The following SUFU variants were observed in gnomAD, a reference collection of about 807,000 sequenced individuals.
SUFU encodes SUFU negative regulator of hedgehog signaling.
SUFU carries 7 observed loss-of-function variants against 58.9 expected under a neutral mutation model. That is an observed-to-expected ratio of 0.12 (90% confidence interval 0.07 to 0.22). The LOEUF (loss-of-function observed/expected upper bound fraction) is 0.22. SUFU is among the 10% of genes least tolerant of loss of function. The pLI is 1.00. For missense variants in SUFU, 451 were observed against 641.3 expected, an observed-to-expected ratio of 0.70 and a Z score of 3.20; for synonymous variants, 232 against 254.8, an observed-to-expected ratio of 0.91 and a Z score of 0.85.
intron 3 of SUFU, among the ~76,000 whole-genome samples, chr10:102,585,565 G>A (rs988681538): frequency 1.3e-5 from 2 of 152,008 alleles, no homozygotes; most frequent in African/African-American, 4.8e-5. Flanking sequence ...GGAATACTAT[G>A]GTGCGACCAA....
intron 2 of SUFU, among the ~76,000 whole-genome samples, chr10:102,536,508 C>T (rs1170855217): frequency 6.6e-6 from 1 of 151,210 alleles, no homozygotes; most frequent in Admixed American, 6.6e-5. Flanking sequence ...GGACTACAGG[C>T]GCCTGCCACT....
At chr10:102,524,395 G>A (rs1466491990) in intron 2 of SUFU, among the ~76,000 whole-genome samples, 7 of 145,266 alleles carry the variant, frequency 4.8e-5, no homozygotes, top group Non-Finnish European at 8.9e-5. Context: ...GTGCAATCTC[G>A]GCTCACTGTA....
chr10:102,558,004 G>A (rs1358553686), intron 3 of SUFU, among the ~76,000 whole-genome samples: 2 of 151,802 alleles, frequency 1.3e-5, no homozygotes, highest in Non-Finnish European at 2.9e-5. Context: ...AGTTCAAGCA[G>A]TTCTCCTTCC....
At chr10:102,549,585 A>G (rs1374229969) in intron 2 of SUFU, among the ~76,000 whole-genome samples, 1 of 152,232 alleles carries the variant, frequency 6.6e-6, no homozygotes, top group Non-Finnish European at 1.5e-5. Flanking sequence ...ATCCTTAGCA[A>G]ACAAAGTAGA....
chr10:102,539,623 T>A (rs766107947), intron 2 of SUFU, among the ~76,000 whole-genome samples: 1 of 152,212 alleles, frequency 6.6e-6, no homozygotes, highest in Non-Finnish European at 1.5e-5. Flanking sequence ...TTACAATAGT[T>A]GTCAAATGGT....
chr10:102,527,872 G>A (rs1257926563), intron 2 of SUFU, among the ~76,000 whole-genome samples: 1 of 152,194 alleles, frequency 6.6e-6, no homozygotes, highest in East Asian at 1.9e-4. Context: ...TTGGGTAGAT[G>A]CCTTGCCTCT....
chr10:102,630,359 C>T lies in SUFU; in HGVS notation c.*204C>T, dbSNP rs1006423451. On this transcript the variant is annotated 3_prime_UTR_variant, in exon 12 of 12. Coordinates refer to ENST00000369902, the MANE Select transcript of SUFU (RefSeq NM_016169.4). ...CTCCAGCTCAGGGGCCGCACCCCGC[C>T]GCTGGCTAAGCCTTGTGACCCATCA... The T allele has an allele frequency of 2.5e-5, 15 of 610,574 alleles. No homozygotes were observed. The highest frequency in any genetic ancestry group is 1.5e-4 in the African/African-American group (8 of 54,628). 37.8% of individuals were successfully genotyped at this position (610,574 alleles called of 1,614,324 possible). A position where few individuals can be genotyped will look rare whatever the true frequency, so the allele number is the denominator to read the frequency against.
At chr10:102,611,852 C>T (rs1480018239) in intron 8 of SUFU, among the ~76,000 whole-genome samples, 1 of 152,222 alleles carries the variant, frequency 6.6e-6, no homozygotes, top group African/African-American at 2.4e-5. Context: ...CCTCCTGGAG[C>T]ACAGCCTTGG....
intron 2 of SUFU, among the ~76,000 whole-genome samples, chr10:102,539,953 AATAG>A (rs1294050393): frequency 1.3e-5 from 2 of 152,194 alleles, no homozygotes; most frequent in African/African-American, 2.4e-5. Flanking sequence ...TATTTTAATT[AATAG>A]ATTATAATTT....
At chr10:102,594,845 A>G (rs2063445408) in intron 6 of SUFU, among the ~76,000 whole-genome samples, 1 of 151,954 alleles carries the variant, frequency 6.6e-6, no homozygotes, top group African/African-American at 2.4e-5. Context: ...CAGCCTCCCG[A>G]GTAGCTGAGA....
intron 3 of SUFU, among the ~76,000 whole-genome samples, chr10:102,583,407 A>G (rs745736886): frequency 1.3e-5 from 2 of 152,064 alleles, no homozygotes; most frequent in Non-Finnish European, 1.5e-5. Context: ...CTGATCACAC[A>G]TGCTCAGGGT....
intron 8 of SUFU, among the ~76,000 whole-genome samples, chr10:102,612,090 T>C (rs1408251741): frequency 6.6e-6 from 1 of 152,194 alleles, no homozygotes; most frequent in African/African-American, 2.4e-5. Context: ...GCAGATTTAA[T>C]ACCTCACCTA....
intron 3 of SUFU, among the ~76,000 whole-genome samples, chr10:102,578,504 T>C (rs964364590): frequency 6.6e-6 from 1 of 150,694 alleles, no homozygotes; most frequent in African/African-American, 2.4e-5. Flanking sequence ...GGTCAAGAGA[T>C]TGAGAACATC....
chr10:102,516,651 G>T (rs910153020), intron 2 of SUFU, among the ~76,000 whole-genome samples: 1 of 151,958 alleles, frequency 6.6e-6, no homozygotes, highest in South Asian at 2.1e-4. Flanking sequence ...GGGTTCAAGC[G>T]ATTGTCCTGC....
At position 102,630,255 on chromosome 10, in the gene SUFU, CA is replaced by C; in HGVS notation, c.*102del. 9.0e-7 allele frequency: 1 copy of C among 1,105,926 alleles called. No homozygotes were observed. The highest frequency in any genetic ancestry group is 1.4e-6 in the Non-Finnish European group (1 of 733,616). 68.5% of individuals were successfully genotyped at this position (1,105,926 alleles called of 1,614,324 possible). On this transcript the variant is annotated 3_prime_UTR_variant, in exon 12 of 12. Transcript: ENST00000369902. ...AACGAGATCTCCACAAATAAAAGGACAAGTGTGAGGAAGACTGCGCAGTGCC... is the reference window on the plus strand; with the variant it reads ...AACGAGATCTCCACAAATAAAAGGACAGTGTGAGGAAGACTGCGCAGTGCC...
intron 2 of SUFU, among the ~76,000 whole-genome samples, chr10:102,521,347 C>G (rs954147567): frequency 1.3e-5 from 2 of 152,178 alleles, no homozygotes; most frequent in African/African-American, 4.8e-5. Context: ...ACCTTTTTCT[C>G]ACATCATGGG....
At chr10:102,592,983 A>G (rs2063419829) in intron 4 of SUFU, among the ~76,000 whole-genome samples, 1 of 152,150 alleles carries the variant, frequency 6.6e-6, no homozygotes, top group African/African-American at 2.4e-5. Context: ...GGTGGCGGGT[A>G]TTCTTTGAAC....
chr10:102,604,417 C>T (rs778275827), intron 8 of SUFU, among the ~76,000 whole-genome samples: 12 of 152,194 alleles, frequency 7.9e-5, no homozygotes, highest in African/African-American at 7.2e-5. Context: ...TTCTTTGCTC[C>T]GCTTCCCCAA....
chr10:102,577,676 C>T (rs1207417456), intron 3 of SUFU, among the ~76,000 whole-genome samples: 1 of 141,258 alleles, frequency 7.1e-6, no homozygotes, highest in African/African-American at 2.6e-5. Context: ...TATAGGACTA[C>T]GAGTTGTTTT....
Sources: allele counts gnomAD v4.1 joint callset (sites outside exome capture counted in the v4.1 genomes callset), GRCh38; gene constraint gnomAD v4.1.1; transcripts MANE v1.5; gene names NCBI Gene and HGNC (gene_info 2026-07-23, HGNC 2026-07-21).